The following RNF13 variants were observed in gnomAD, a reference collection of about 807,000 sequenced individuals.
RNF13 encodes ring finger protein 13.
Under a neutral mutation model 37.7 loss-of-function variants are expected in RNF13, and 19 were observed. The ratio of observed to expected loss-of-function variants is 0.50; its 90% CI spans 0.35 to 0.74. The LOEUF (loss-of-function observed/expected upper bound fraction) is 0.74. Among genes scored for constraint, RNF13 ranks in the 30% least tolerant of loss-of-function variants. The pLI is 0.01. For synonymous variants in RNF13, 144 were observed against 157.8 expected (o/e 0.91, Z 0.65); for missense variants, 375 against 453.0 (o/e 0.83, Z 1.56).
intron 8 of RNF13, among the ~76,000 whole-genome samples, chr3:149,952,606 T>A (rs1364931330): frequency 7.0e-6 from 1 of 142,488 alleles, no homozygotes; most frequent in Non-Finnish European, 1.5e-5. Context: ...AAGGAAATGC[T>A]TTTTTTTTTT....
At chr3:149,901,111 CA>C (rs1262620409) in intron 5 of RNF13, among the ~76,000 whole-genome samples, 2 of 152,160 alleles carry the variant, frequency 1.3e-5, no homozygotes, top group African/African-American at 2.4e-5. Context: ...GTATTTGTCA[CA>C]ACTTACAGAA....
intron 7 of RNF13, among the ~76,000 whole-genome samples, chr3:149,915,601 G>C (rs1717426508): frequency 6.6e-6 from 1 of 152,202 alleles, no homozygotes; most frequent in Admixed American, 6.5e-5. Context: ...CAACCCAAGT[G>C]TACATTGATG....
chr3:149,937,142 T>C (rs1393387260), intron 8 of RNF13, among the ~76,000 whole-genome samples: 1 of 152,162 alleles, frequency 6.6e-6, no homozygotes, highest in East Asian at 1.9e-4. Flanking sequence ...GCCCCAAGTT[T>C]CCTTTGCTGG....
chr3:149,834,693 A>G (rs1206075721), intron 1 of RNF13, among the ~76,000 whole-genome samples: 1 of 152,066 alleles, frequency 6.6e-6, no homozygotes, highest in Admixed American at 6.5e-5. Context: ...CCTCTCTCTC[A>G]CTTGCTGCTC....
intron 8 of RNF13, 140 bp from the exon 9 acceptor site, chr3:149,959,916 A>G (rs953632719): frequency 6.9e-6 from 4 of 582,204 alleles, no homozygotes; most frequent in Non-Finnish European, 1.2e-5. Context: ...TTCAGGTCCT[A>G]GGACTTAGAT....
chr3:149,950,628 C>G (rs1721230138), intron 8 of RNF13, among the ~76,000 whole-genome samples: 1 of 151,960 alleles, frequency 6.6e-6, no homozygotes, highest in African/African-American at 2.4e-5. Context: ...GCACACACCA[C>G]CATGCCCAGC....
intron 4 of RNF13, among the ~76,000 whole-genome samples, chr3:149,884,685 TG>T (rs1435922097): frequency 2.6e-5 from 4 of 152,194 alleles, no homozygotes; most frequent in African/African-American, 9.7e-5. Flanking sequence ...AAACATGTAA[TG>T]TATAATAATC....
chr3:149,948,578 A>T (rs1576588460), intron 8 of RNF13, among the ~76,000 whole-genome samples: 1 of 152,294 alleles, frequency 6.6e-6, no homozygotes, highest in Middle Eastern at 3.4e-3. Flanking sequence ...TTTTAAACTG[A>T]CCTTTTAAAT....
Position 149,871,080 on chromosome 3 carries a change from C to T in RNF13, c.196-949C>T, listed in dbSNP as rs549739610. Among the ~76,000 whole-genome samples, 365 of 141,662 alleles carry T rather than the reference C, an allele frequency of 2.6e-3. 3 individuals are homozygous for T. Among genetic ancestry groups the T allele is most frequent in the African/African-American group, 9.2e-3 (348 of 37,710 alleles). 92.9% of individuals were successfully genotyped at this position (141,662 alleles called of 152,430 possible). ...TTTCCGAGACGGAGTTTCGCTCTAT[C>T]GCCCAGGCTGGAGTGCAGTGGCAGA... On this transcript the variant is annotated intron_variant, in intron 3 of 9. Transcript: ENST00000392894.
chr3:149,915,773 C>T (rs950635788), intron 7 of RNF13, among the ~76,000 whole-genome samples: 5 of 152,118 alleles, frequency 3.3e-5, no homozygotes, highest in Admixed American at 3.3e-4. Flanking sequence ...TCTACTTACA[C>T]GAGGTACCTG....
intron 1 of RNF13, among the ~76,000 whole-genome samples, chr3:149,840,180 G>A (rs74946355): frequency 0.027 from 4,187 of 152,282 alleles, 83 homozygotes; most frequent in Non-Finnish European, 0.036. Flanking sequence ...TTAGAGTGAC[G>A]AAGCTGATTT....
rs772483462 is a variant in RNF13, at chr3:149,960,077, C to T, written c.722C>T (p.Ala241Val). The T allele has an allele frequency of 5.0e-6, 8 of 1,611,612 alleles. No homozygotes were observed. In the South Asian group the frequency reaches 8.8e-5, roughly 18 times the overall value. Residue 241 changes from alanine (A) to valine (V), a missense_variant, in exon 9 of 10, where the codon GCC (alanine) becomes GTC (valine). Ala to Val is a moderately conservative substitution (Grantham distance 64). Transcript: ENST00000392894. ...TCAGGAGATGAGTATGATGTATGTG[C>T]CATTTGTTTGGATGAGTATGAAGAT... ...FKKGDEYDVC[A>V]ICLDEYEDGD...
chr3:149,837,192 T>G (rs1307977376), intron 1 of RNF13, among the ~76,000 whole-genome samples: 2 of 152,206 alleles, frequency 1.3e-5, no homozygotes, highest in African/African-American at 4.8e-5. Context: ...AAAAGATCAC[T>G]GAAGAGTTAA....
chr3:149,867,614 T>C (rs1368738627), intron 3 of RNF13, among the ~76,000 whole-genome samples: 1 of 151,808 alleles, frequency 6.6e-6, no homozygotes, highest in Non-Finnish European at 1.5e-5. Flanking sequence ...TTTTATCTGA[T>C]GTAAGTATAG....
At chr3:149,915,189 A>T (rs1717378278) in intron 7 of RNF13, among the ~76,000 whole-genome samples, 1 of 152,138 alleles carries the variant, frequency 6.6e-6, no homozygotes, top group Non-Finnish European at 1.5e-5. Context: ...GTAAATTTTG[A>T]AATTCCTTAT....
chr3:149,866,651 T>G (rs1232034598), intron 3 of RNF13, among the ~76,000 whole-genome samples: 1 of 152,210 alleles, frequency 6.6e-6, no homozygotes, highest in Non-Finnish European at 1.5e-5. Flanking sequence ...TTGATCTGGT[T>G]CAGACACCTC....
rs776480187 is a variant in RNF13 at position 149,902,167 on chromosome 3, G to A, written c.500+5G>A. On this transcript the variant is annotated splice_donor_5th_base_variant and intron_variant, in intron 6 of 9. Transcript: ENST00000392894. ...TGAATTCACATATGAAAAAGGGTAA[G>A]TAATGGATATAAAAAATCATGTTGC... is the stretch of plus-strand genomic sequence containing the variant. 1 of 1,335,692 alleles carries A rather than the reference G, an allele frequency of 7.5e-7. No individual in the cohort carries two copies. The highest frequency in any genetic ancestry group is 1.0e-6 in the Non-Finnish European group (1 of 967,842). 82.7% of individuals were successfully genotyped at this position (1,335,692 alleles called of 1,614,324 possible).
chr3:149,855,526 T>C (rs1434204759), intron 3 of RNF13, among the ~76,000 whole-genome samples: 1 of 146,772 alleles, frequency 6.8e-6, no homozygotes, highest in Non-Finnish European at 1.5e-5. Flanking sequence ...CATTAAAAAA[T>C]ATATATGTAT....
chr3:149,879,647 A>G (rs1277545771), intron 4 of RNF13, among the ~76,000 whole-genome samples: 2 of 152,142 alleles, frequency 1.3e-5, no homozygotes, highest in African/African-American at 4.8e-5. Context: ...CCATCTACAG[A>G]TTATATTAAA....
Sources: allele counts gnomAD v4.1 joint callset (sites outside exome capture counted in the v4.1 genomes callset), GRCh38; gene constraint gnomAD v4.1.1; transcripts MANE v1.5; gene names NCBI Gene and HGNC (gene_info 2026-07-23, HGNC 2026-07-21).